NELL1: variants seen among roughly 807,000 people sequenced by gnomAD.
The protein encoded by NELL1 is protein kinase C-binding protein NELL1.
Under a neutral mutation model 107.4 loss-of-function variants are expected in NELL1, and 76 were observed. The ratio of observed to expected loss-of-function variants is 0.71; its 90% CI spans 0.59 to 0.86. The LOEUF is 0.86. Among genes scored for constraint, NELL1 ranks in the 40% least tolerant of loss-of-function variants. The pLI, the probability that NELL1 is intolerant of heterozygous loss-of-function variation, is 0.00. For synonymous variants in NELL1, 353 were observed against 341.2 expected (o/e 1.03, Z -0.38); for missense variants, 1,024 against 1,005.5 (o/e 1.02, Z -0.25).
At chr11:21,165,025 TTGAC>T (rs1856450539) in intron 13 of NELL1, among the ~76,000 whole-genome samples, 1 of 152,348 alleles carries the variant, frequency 6.6e-6, no homozygotes, top group Admixed American at 6.5e-5. Context: ...TTTGTTTTGA[TTGAC>T]AGCATTTTGT....
chr11:20,922,244 C>A (rs1850395593), intron 7 of NELL1, among the ~76,000 whole-genome samples: 1 of 152,130 alleles, frequency 6.6e-6, no homozygotes, highest in South Asian at 2.1e-4. Context: ...CATCAAAAAT[C>A]TTCAGGATGT....
At chr11:21,240,766 T>TGGGGGGGGGGGGGG (rs150046714) in intron 14 of NELL1, among the ~76,000 whole-genome samples, 1 of 62,246 alleles carries the variant, frequency 1.6e-5, no homozygotes, top group African/African-American at 7.0e-5. Context: ...GCCTTTCTAG[T>TGGGGGGGGGGGGGG]GGGGGGGGGG....
At chr11:21,561,014 A>G (rs1233649238) in intron 17 of NELL1, among the ~76,000 whole-genome samples, 3 of 152,050 alleles carry the variant, frequency 2.0e-5, no homozygotes, top group African/African-American at 7.2e-5. Flanking sequence ...TGCTTTGCAA[A>G]ATGGGTCTAT....
At chr11:20,688,200 T>A (rs971312500) in intron 2 of NELL1, among the ~76,000 whole-genome samples, 19 of 152,114 alleles carry the variant, frequency 1.2e-4, no homozygotes, top group African/African-American at 4.6e-4. Context: ...ATTTTTTAAA[T>A]TAAAAAAGTT....
chr11:21,401,909 A>G (rs552311973), intron 15 of NELL1, among the ~76,000 whole-genome samples: 22 of 151,910 alleles, frequency 1.4e-4, no homozygotes, highest in African/African-American at 5.1e-4. Flanking sequence ...GAGTAAATGC[A>G]ACAATGTAGA....
intron 15 of NELL1, among the ~76,000 whole-genome samples, chr11:21,432,896 A>G (rs1290135307): frequency 6.6e-6 from 1 of 152,154 alleles, no homozygotes; most frequent in African/African-American, 2.4e-5. Context: ...CTTTTTGAAA[A>G]TATACACTAA....
At chr11:21,486,152 T>C (rs1264356162) in intron 15 of NELL1, among the ~76,000 whole-genome samples, 1 of 152,018 alleles carries the variant, frequency 6.6e-6, no homozygotes, top group Non-Finnish European at 1.5e-5. Context: ...CCAAGCAAGC[T>C]ACCTGGAAGC....
chr11:21,574,863 C>T, intron 19 of NELL1, 109 bp from the exon 20 acceptor site: 1 of 864,162 alleles, frequency 1.2e-6, no homozygotes, highest in Admixed American at 2.1e-5. Context: ...TTATAGCCTT[C>T]TTGAAGTTTG....
chr11:20,910,547 C>T (rs1564962574), intron 5 of NELL1, among the ~76,000 whole-genome samples: 1 of 152,222 alleles, frequency 6.6e-6, no homozygotes, highest in Non-Finnish European at 1.5e-5. Flanking sequence ...TGAGCAGTCC[C>T]AGGGGGGCCG....
chr11:21,098,123 C>T (rs575211081), intron 12 of NELL1, among the ~76,000 whole-genome samples: 12 of 152,324 alleles, frequency 7.9e-5, no homozygotes, highest in Admixed American at 3.9e-4. Flanking sequence ...AGTTCTGGTT[C>T]CTAACACCAG....
intron 4 of NELL1, among the ~76,000 whole-genome samples, chr11:20,860,452 C>T (rs951358011): frequency 1.3e-5 from 2 of 152,130 alleles, no homozygotes; most frequent in African/African-American, 4.8e-5. Flanking sequence ...CTCACATTCT[C>T]GATGGCTTCA....
In NELL1 at chr11:20,823,906, A is replaced by C. The variant is rs564991717; in HGVS notation, c.336-23677A>C. 3.2e-4 allele frequency among the ~76,000 whole-genome samples: 49 copies of C among 151,458 alleles called. 1 individual carries two copies. In the South Asian group the frequency reaches 9.2e-3, roughly 28 times the overall value. ...GGATACAGGAGTGACTACTGAAGCA[A>C]ATACTCAAACAACAATGATTTAAAC... On this transcript the variant is annotated intron_variant, in intron 3 of 19. Coordinates refer to ENST00000357134, the MANE Select transcript of NELL1 (RefSeq NM_006157.5).
intron 2 of NELL1, among the ~76,000 whole-genome samples, chr11:20,687,769 T>C (rs1242896563): frequency 6.6e-6 from 1 of 151,956 alleles, no homozygotes; most frequent in African/African-American, 2.4e-5. Context: ...TTTTTTGTAT[T>C]TTTAGTAGAG....
intron 3 of NELL1, among the ~76,000 whole-genome samples, chr11:20,824,827 TGG>T (rs1857843969): frequency 6.6e-6 from 1 of 151,320 alleles, no homozygotes; most frequent in Admixed American, 6.6e-5. Flanking sequence ...CATAAAAGTT[TGG>T]AAAGTTTGTA....
chr11:20,895,349 C>T (rs1325234082), intron 5 of NELL1, among the ~76,000 whole-genome samples: 7 of 135,080 alleles, frequency 5.2e-5, no homozygotes, highest in Non-Finnish European at 1.1e-4. Flanking sequence ...TGTATATGTA[C>T]CCTTTAACCA....
intron 16 of NELL1, among the ~76,000 whole-genome samples, chr11:21,548,759 G>A (rs1281057886): frequency 6.6e-6 from 1 of 151,546 alleles, no homozygotes; most frequent in Non-Finnish European, 1.5e-5. Flanking sequence ...GTTATGAGGT[G>A]GGACAAGCCT....
At chr11:21,455,468 A>G (rs1318967337) in intron 15 of NELL1, among the ~76,000 whole-genome samples, 1 of 151,670 alleles carries the variant, frequency 6.6e-6, no homozygotes, top group Non-Finnish European at 1.5e-5. Context: ...AGTAGCTGGG[A>G]CTACAGGTGC....
At chr11:21,280,560 T>C (rs547081870) in intron 14 of NELL1, among the ~76,000 whole-genome samples, 11 of 152,188 alleles carry the variant, frequency 7.2e-5, no homozygotes, top group South Asian at 4.2e-4. Flanking sequence ...AGATATTGCA[T>C]TGAACTCAAT....
At chr11:20,956,506 C>T (rs986592414) in intron 11 of NELL1, among the ~76,000 whole-genome samples, 3 of 151,836 alleles carry the variant, frequency 2.0e-5, no homozygotes, top group Non-Finnish European at 4.4e-5. Context: ...ATTAGCCGGG[C>T]ATGGTGGCGG....
Sources: gnomAD v4.1 joint callset for allele counts (sites outside exome capture counted in the v4.1 genomes callset) on GRCh38, gnomAD v4.1.1 for gene constraint, MANE v1.5 for transcripts, NCBI Gene and HGNC (gene_info 2026-07-23, HGNC 2026-07-21) for gene names.